LRRTM4: variants seen among roughly 807,000 people sequenced by gnomAD.
LRRTM4 encodes the protein leucine-rich repeat transmembrane neuronal protein 4.
Under a neutral mutation model 47.6 loss-of-function variants are expected in LRRTM4, and 25 were observed. The observed-to-expected ratio is 0.53, with a 90% CI of 0.38 to 0.73. The LOEUF (loss-of-function observed/expected upper bound fraction) is 0.73. Among genes scored for constraint, LRRTM4 ranks in the 30% least tolerant of loss-of-function variants. LRRTM4 has a pLI of 0.00. For missense variants in LRRTM4, 638 were observed against 713.4 expected (o/e 0.89, Z 1.20); for synonymous variants, 311 against 269.5 (o/e 1.15, Z -1.51).
At chr2:77,217,159 T>C (rs1288536363) in intron 3 of LRRTM4, among the ~76,000 whole-genome samples, 1 of 151,380 alleles carries the variant, frequency 6.6e-6, no homozygotes, top group Admixed American at 6.6e-5. Flanking sequence ...CACTTATATC[T>C]TTCTCTTCTT....
chr2:77,068,683 T>C (rs1680043149), intron 3 of LRRTM4, among the ~76,000 whole-genome samples: 1 of 151,516 alleles, frequency 6.6e-6, no homozygotes, highest in Non-Finnish European at 1.5e-5. Context: ...AATGTGTGGA[T>C]ACACTACATT....
chr2:77,083,321 G>A (rs1032444980), intron 3 of LRRTM4, among the ~76,000 whole-genome samples: 2 of 152,146 alleles, frequency 1.3e-5, no homozygotes, highest in African/African-American at 4.8e-5. Context: ...TAGGGGTCCT[G>A]AGGAGTGCTG....
chr2:76,879,337 G>C (rs1204883334), intron 3 of LRRTM4, among the ~76,000 whole-genome samples: 2 of 152,134 alleles, frequency 1.3e-5, no homozygotes, highest in African/African-American at 4.8e-5. Context: ...ATGACTTTAA[G>C]TTGCAGCCAA....
chr2:76,849,093 T>C (rs1248330853), intron 3 of LRRTM4, among the ~76,000 whole-genome samples: 1 of 152,064 alleles, frequency 6.6e-6, no homozygotes, highest in Non-Finnish European at 1.5e-5. Flanking sequence ...CCCTGAAGTA[T>C]AATGGAAATA....
intron 3 of LRRTM4, among the ~76,000 whole-genome samples, chr2:77,417,283 C>A (rs1674673653): frequency 6.6e-6 from 1 of 152,114 alleles, no homozygotes; most frequent in African/African-American, 2.4e-5. Context: ...AACACTTTTA[C>A]ACTGTTGGTG....
intron 3 of LRRTM4, among the ~76,000 whole-genome samples, chr2:77,093,426 C>T (rs1252240625): frequency 2.6e-5 from 4 of 151,290 alleles, no homozygotes; most frequent in African/African-American, 9.8e-5. Flanking sequence ...AGGCCATGAC[C>T]AATCATTCTA....
At chr2:77,050,128 CTTTTTTTT>C (rs745419725) in intron 3 of LRRTM4, among the ~76,000 whole-genome samples, 1 of 112,698 alleles carries the variant, frequency 8.9e-6, no homozygotes, top group Non-Finnish European at 1.8e-5. Context: ...AGAACCAAGT[CTTTTTTTT>C]TTTTTTTTTT....
At chr2:77,499,958 A>T (rs1678509753) in intron 3 of LRRTM4, among the ~76,000 whole-genome samples, 1 of 151,712 alleles carries the variant, frequency 6.6e-6, no homozygotes, top group Non-Finnish European at 1.5e-5. Flanking sequence ...AGAAATTATA[A>T]GATCTAGTGG....
At chr2:76,794,337 G>GGAAA (rs1457842263) in intron 3 of LRRTM4, among the ~76,000 whole-genome samples, 2 of 152,080 alleles carry the variant, frequency 1.3e-5, no homozygotes, top group South Asian at 2.1e-4. Flanking sequence ...GTGTCAGAGA[G>GGAAA]GAAAGAAAGT....
intron 3 of LRRTM4, among the ~76,000 whole-genome samples, chr2:77,287,707 G>A (rs1030732892): frequency 6.6e-6 from 1 of 152,084 alleles, no homozygotes; most frequent in Non-Finnish European, 1.5e-5. Context: ...AGTTGAGAGA[G>A]AGAAACCACA....
At chr2:77,088,531 C>T (rs551187628) in intron 3 of LRRTM4, among the ~76,000 whole-genome samples, 172 of 151,988 alleles carry the variant, frequency 1.1e-3, no homozygotes, top group African/African-American at 4.0e-3. Flanking sequence ...CCTTTACCTA[C>T]CCAAATCCTA....
intron 3 of LRRTM4, among the ~76,000 whole-genome samples, chr2:76,845,890 T>C (rs1012084464): frequency 6.6e-6 from 1 of 151,884 alleles, no homozygotes; most frequent in Non-Finnish European, 1.5e-5. Context: ...GCTCTGAAAA[T>C]CTGGAACAAA....
chr2:77,334,414 A>T (rs1372525834), intron 3 of LRRTM4, among the ~76,000 whole-genome samples: 1 of 152,156 alleles, frequency 6.6e-6, no homozygotes, highest in Non-Finnish European at 1.5e-5. Context: ...ACTAGGCCAG[A>T]AGTGATTGAA....
chr2:77,482,881 G>A (rs1677761194), intron 3 of LRRTM4, among the ~76,000 whole-genome samples: 1 of 151,704 alleles, frequency 6.6e-6, no homozygotes, highest in Non-Finnish European at 1.5e-5. Flanking sequence ...CCAGCACTTT[G>A]GGAGGCTGAG....
At chr2:77,172,290 C>A (rs1218714856) in intron 3 of LRRTM4, among the ~76,000 whole-genome samples, 1 of 152,068 alleles carries the variant, frequency 6.6e-6, no homozygotes, top group Non-Finnish European at 1.5e-5. Flanking sequence ...ATATATGCTA[C>A]TATATTCATT....
chr2:77,134,933 A>G (rs933577028), intron 3 of LRRTM4, among the ~76,000 whole-genome samples: 1 of 152,186 alleles, frequency 6.6e-6, no homozygotes, highest in Admixed American at 6.6e-5. Flanking sequence ...CTAATAGTAA[A>G]TGGTAATTTT....
chr2:76,792,512 C>T (rs1010022888), intron 3 of LRRTM4, among the ~76,000 whole-genome samples: 7 of 152,030 alleles, frequency 4.6e-5, no homozygotes, highest in Admixed American at 1.3e-4. Context: ...ATTAGGAAGG[C>T]GTGTGTGTGT....
At chr2:76,841,202 A>C (rs1049891148) in intron 3 of LRRTM4, among the ~76,000 whole-genome samples, 1 of 151,006 alleles carries the variant, frequency 6.6e-6, no homozygotes, top group Non-Finnish European at 1.5e-5. Flanking sequence ...GCATGTTCTC[A>C]CTCATAGGTG....
chr2:76,806,666 AC>A (rs1439035600), intron 3 of LRRTM4, among the ~76,000 whole-genome samples: 4 of 152,160 alleles, frequency 2.6e-5, no homozygotes, highest in Non-Finnish European at 5.9e-5. Flanking sequence ...TAAATATATT[AC>A]AAAGTAATAC....
Sources: allele counts gnomAD v4.1 joint callset (sites outside exome capture counted in the v4.1 genomes callset), GRCh38; gene constraint gnomAD v4.1.1; transcripts MANE v1.5; gene names NCBI Gene and HGNC (gene_info 2026-07-23, HGNC 2026-07-21).